The following LRRIQ3 variants were observed in gnomAD, a reference collection of about 807,000 sequenced individuals.
LRRIQ3 encodes leucine-rich repeat and IQ domain-containing protein 3.
Under a neutral mutation model 59.3 loss-of-function variants are expected in LRRIQ3, and 75 were observed. The ratio of observed to expected loss-of-function variants is 1.26; its 90% confidence interval spans 1.05 to 1.53. The LOEUF (loss-of-function observed/expected upper bound fraction) is 1.53, where lower values mean the gene tolerates loss of function less well. Ranked by LOEUF, LRRIQ3 falls within the 40% of genes most tolerant of loss-of-function variation. The pLI is 0.00. For synonymous variants in LRRIQ3, 250 were observed against 231.3 expected, an observed-to-expected ratio of 1.08 and a Z score of -0.73; for missense variants, 831 against 710.0, an observed-to-expected ratio of 1.17 and a Z score of -1.94.
intron 1 of LRRIQ3, among the ~76,000 whole-genome samples, chr1:74,190,948 CTTGTCTGCCGCCATGTAA>C (rs1650726552): frequency 6.6e-6 from 1 of 152,118 alleles, no homozygotes; most frequent in South Asian, 2.1e-4. Flanking sequence ...CTCATTCTCT[CTTGTCTGCCGCCATGTAA>C]GATATGCCTT....
intron 6 of LRRIQ3, among the ~76,000 whole-genome samples, chr1:74,057,223 T>C (rs1654563103): frequency 6.6e-6 from 1 of 151,890 alleles, no homozygotes; most frequent in South Asian, 2.1e-4. Context: ...AGAAAAAAAT[T>C]CCCCAAATTA....
intron 1 of LRRIQ3, among the ~76,000 whole-genome samples, chr1:74,196,092 C>T (rs550155840): frequency 6.6e-5 from 10 of 151,618 alleles, no homozygotes; most frequent in African/African-American, 9.7e-5. Context: ...TATTTATTTC[C>T]AGCAAATTTT....
chr1:74,091,030 T>C (rs1363152386), intron 5 of LRRIQ3, among the ~76,000 whole-genome samples: 1 of 152,098 alleles, frequency 6.6e-6, no homozygotes, highest in African/African-American at 2.4e-5. Flanking sequence ...CAAAGGTAAG[T>C]CCTCAAAGAT....
intron 5 of LRRIQ3, among the ~76,000 whole-genome samples, chr1:74,099,182 G>T (rs1243684141): frequency 6.6e-6 from 1 of 151,992 alleles, no homozygotes; most frequent in East Asian, 1.9e-4. Flanking sequence ...GAAGAAAAGA[G>T]ACAAGAATCA....
chr1:74,070,843 T>C (rs937296644), intron 6 of LRRIQ3, among the ~76,000 whole-genome samples: 2 of 151,758 alleles, frequency 1.3e-5, no homozygotes, highest in Non-Finnish European at 2.9e-5. Context: ...AAAAGAAGAC[T>C]GTGATGTAAT....
At chr1:74,122,448 T>TAAACA (rs1646873908) in intron 4 of LRRIQ3, among the ~76,000 whole-genome samples, 1 of 151,996 alleles carries the variant, frequency 6.6e-6, no homozygotes, top group Non-Finnish European at 1.5e-5. Flanking sequence ...TATAAATTTG[T>TAAACA]TGGAGTTCCA....
At chr1:74,182,282 T>A (rs911529368) in intron 3 of LRRIQ3, 1 of 207,858 alleles carries the variant, frequency 4.8e-6, no homozygotes, top group Non-Finnish European at 9.5e-6. Context: ...AATTAGAGAT[T>A]TACTTTCAAT....
intron 4 of LRRIQ3, among the ~76,000 whole-genome samples, chr1:74,135,486 T>C (rs1647106498): frequency 6.6e-6 from 1 of 151,934 alleles, no homozygotes; most frequent in Admixed American, 6.6e-5. Context: ...AGGATATATC[T>C]CATAACAAGG....
At position 74,155,116 on chromosome 1, in the gene LRRIQ3, A is replaced by C. The variant is rs145820159; in HGVS notation, c.707+617T>G. On this transcript the variant is annotated intron_variant, in intron 4 of 7. Transcript: ENST00000354431. ...TCTACGTCAATCCTATCTATATTTC[A>C]GGGCCAAATTTCATTTCTATCTTCT... is the stretch of plus-strand genomic sequence containing the variant. 6.9e-3 allele frequency among the ~76,000 whole-genome samples: 1,057 copies of C among 152,272 alleles called. 12 individuals are homozygous for C. Among genetic ancestry groups the C allele is most frequent in the African/African-American group, 0.023 (968 of 41,550 alleles).
chr1:74,061,884 T>C (rs1475576952), intron 6 of LRRIQ3, among the ~76,000 whole-genome samples: 3 of 151,902 alleles, frequency 2.0e-5, no homozygotes, highest in African/African-American at 4.8e-5. Context: ...ATAATACAAG[T>C]ATAGCCAAGC....
intron 6 of LRRIQ3, among the ~76,000 whole-genome samples, chr1:74,045,662 A>C (rs1301836798): frequency 6.6e-6 from 1 of 152,204 alleles, no homozygotes; most frequent in East Asian, 1.9e-4. Flanking sequence ...GAAAAGAGGA[A>C]GTCAAATTGT....
intron 5 of LRRIQ3, among the ~76,000 whole-genome samples, chr1:74,086,099 A>T (rs1646325245): frequency 6.6e-6 from 1 of 152,020 alleles, no homozygotes; most frequent in African/African-American, 2.4e-5. Context: ...CAAAATTTAG[A>T]ACTCTTGATA....
intron 5 of LRRIQ3, among the ~76,000 whole-genome samples, chr1:74,105,819 G>A (rs2100553122): frequency 6.6e-6 from 1 of 152,038 alleles, no homozygotes; most frequent in Middle Eastern, 3.4e-3. Context: ...ATCTTTGGAA[G>A]CAAAGCAAAA....
In LRRIQ3 at chr1:74,077,139, TAAC is replaced by T. The variant is rs567791544; in HGVS notation, c.868-2352_868-2350del. On this transcript the variant is annotated intron_variant, in intron 5 of 7. Transcript: ENST00000354431. Reference sequence around the variant, plus strand: ...GGCACTATTTTGCAATTCCAGTCTGTAACAACAACTCTAAATACTTTTTCAACC... The same window carrying T: ...GGCACTATTTTGCAATTCCAGTCTGTAACAACTCTAAATACTTTTTCAACC... 3.8e-3 allele frequency among the ~76,000 whole-genome samples: 577 copies of T among 152,142 alleles called. 5 individuals are homozygous for T. Among genetic ancestry groups the T allele is most frequent in the African/African-American group, 0.013 (545 of 41,546 alleles).
chr1:74,087,990 G>T (rs1646348006), intron 5 of LRRIQ3, among the ~76,000 whole-genome samples: 1 of 151,996 alleles, frequency 6.6e-6, no homozygotes. Flanking sequence ...CTACTTGGGA[G>T]GCTGAGGCAG....
At chr1:74,172,091 G>A (rs961828654) in intron 3 of LRRIQ3, among the ~76,000 whole-genome samples, 2 of 151,734 alleles carry the variant, frequency 1.3e-5, no homozygotes, top group Admixed American at 6.6e-5. Flanking sequence ...TTGCTATTCC[G>A]TATTTCATTT....
Position 74,041,840 on chromosome 1 carries a change from AATG to A in LRRIQ3, c.1088_1090del (p.Ser363del), listed in dbSNP as rs756683716. ...CTCTCTCAATACTGCATTATTCTTCAATGAACCTGAAGTGTATATGGGTAGTTT... is the reference window on the plus strand; with the variant it reads ...CTCTCTCAATACTGCATTATTCTTCAAACCTGAAGTGTATATGGGTAGTTT... On this transcript the variant is annotated inframe_deletion, in exon 7 of 8. Transcript: ENST00000354431. 1.2e-6 allele frequency: 2 copies of A among 1,613,368 alleles called. No individual in the cohort carries two copies. Among genetic ancestry groups the A allele is most frequent in the African/African-American group, 2.7e-5 (2 of 74,908 alleles).
At chr1:74,047,530 G>A (rs772684518) in intron 6 of LRRIQ3, among the ~76,000 whole-genome samples, 12 of 151,822 alleles carry the variant, frequency 7.9e-5, no homozygotes, top group African/African-American at 1.5e-4. Flanking sequence ...ACCATGGCAC[G>A]TGTATACCTA....
At chr1:74,151,785 GA>G (rs1647995277) in intron 4 of LRRIQ3, among the ~76,000 whole-genome samples, 1 of 151,820 alleles carries the variant, frequency 6.6e-6, no homozygotes, top group Non-Finnish European at 1.5e-5. Flanking sequence ...GAAAAACAGT[GA>G]AAAGAGAGAG....
Sources: allele counts gnomAD v4.1 joint callset (sites outside exome capture counted in the v4.1 genomes callset), GRCh38; gene constraint gnomAD v4.1.1; transcripts MANE v1.5; gene names NCBI Gene and HGNC (gene_info 2026-07-23, HGNC 2026-07-21).